The following RARB variants were observed in gnomAD, a reference collection of about 807,000 sequenced individuals.
The protein encoded by RARB is HBV-activated protein.
A neutral mutation model predicts 51.9 loss-of-function variants in RARB; 17 were observed. The observed-to-expected ratio is 0.33, with a 90% CI of 0.22 to 0.49. RARB has a LOEUF of 0.49. Ranked by LOEUF, RARB falls within the 20% of genes least tolerant of loss-of-function variation. The pLI, the probability that RARB is intolerant of heterozygous loss-of-function variation, is 0.99. For missense variants in RARB, 369 were observed against 550.8 expected (o/e 0.67, Z 3.30); for synonymous variants, 215 against 195.4 (o/e 1.10, Z -0.84).
intron 5 of RARB, among the ~76,000 whole-genome samples, chr3:25,208,273 C>G (rs1701605994): frequency 6.6e-6 from 1 of 152,070 alleles, no homozygotes. Flanking sequence ...GCTAAGGATC[C>G]AAGGATTTCA....
At chr3:24,899,631 G>A (rs2125370481) in intron 2 of RARB, among the ~76,000 whole-genome samples, 1 of 152,168 alleles carries the variant, frequency 6.6e-6, no homozygotes, top group East Asian at 1.9e-4. Context: ...AATAAGCTGG[G>A]TAGTGTTCTC....
At chr3:25,225,174 A>T (rs1702029317) in intron 5 of RARB, among the ~76,000 whole-genome samples, 1 of 152,180 alleles carries the variant, frequency 6.6e-6, no homozygotes, top group African/African-American at 2.4e-5. Context: ...TAAGATGCTT[A>T]CTACATGTTT....
intron 3 of RARB, among the ~76,000 whole-genome samples, chr3:25,130,754 C>T (rs1438176704): frequency 6.6e-6 from 1 of 151,896 alleles, no homozygotes; most frequent in African/African-American, 2.4e-5. Flanking sequence ...CTGTCTCACT[C>T]ATCTTGCTAT....
chr3:24,956,421 C>T (rs1427761985), intron 2 of RARB, among the ~76,000 whole-genome samples: 3 of 152,108 alleles, frequency 2.0e-5, no homozygotes, highest in Middle Eastern at 3.2e-3. Context: ...TCTTTGTAAC[C>T]ACCCTCATAT....
intron 2 of RARB, among the ~76,000 whole-genome samples, chr3:24,998,751 T>A (rs1209200456): frequency 1.3e-5 from 2 of 152,178 alleles, no homozygotes; most frequent in Non-Finnish European, 2.9e-5. Flanking sequence ...TTACATGTCT[T>A]CTTAAACTTC....
intron 5 of RARB, among the ~76,000 whole-genome samples, chr3:25,296,401 C>T (rs992873407): frequency 6.6e-6 from 1 of 152,120 alleles, no homozygotes; most frequent in Non-Finnish European, 1.5e-5. Context: ...TTCACTATTT[C>T]CTAGCTTTCT....
At chr3:24,946,311 G>T (rs1339510020) in intron 2 of RARB, among the ~76,000 whole-genome samples, 1 of 128,770 alleles carries the variant, frequency 7.8e-6, no homozygotes, top group Non-Finnish European at 1.8e-5. Flanking sequence ...ATAGTTGATG[G>T]ACAAATACAG....
At chr3:25,095,155 C>A (rs1156304139) in intron 3 of RARB, among the ~76,000 whole-genome samples, 2 of 152,144 alleles carry the variant, frequency 1.3e-5, no homozygotes, top group Non-Finnish European at 2.9e-5. Context: ...ACCAGGAGAG[C>A]TTTAAAAATT....
chr3:25,378,768 C>T (rs557204575), intron 5 of RARB, among the ~76,000 whole-genome samples: 1 of 152,258 alleles, frequency 6.6e-6, no homozygotes, highest in South Asian at 2.1e-4. Flanking sequence ...TAATAGGTAA[C>T]TTCAAGGTCT....
chr3:25,420,730 T>G (rs1428105120), intron 5 of RARB, among the ~76,000 whole-genome samples: 1 of 151,962 alleles, frequency 6.6e-6, no homozygotes, highest in African/African-American at 2.4e-5. Context: ...GATGGGTGGA[T>G]AGGTAGATGG....
Position 25,107,700 on chromosome 3 carries a change from G to A in RARB, c.-327-24461G>A, listed in dbSNP as rs184331609. On this transcript the variant is annotated intron_variant, in intron 3 of 11. Coordinates refer to the RARB transcript ENST00000383772. ...AATGAGGTGAAGTAAGAGATTAACA[G>A]CAATAATAATAAAATAGGAAAATGG... 1.9e-3 allele frequency among the ~76,000 whole-genome samples: 293 copies of A among 152,130 alleles called. 2 individuals carry two copies. Among genetic ancestry groups the A allele is most frequent in the African/African-American group, 6.8e-3 (282 of 41,488 alleles).
In RARB at chr3:24,946,243, G is replaced by A. The variant is rs375333707; in HGVS notation, c.-380+87491G>A. Among the ~76,000 whole-genome samples the A allele has an allele frequency of 7.8e-4, 97 of 124,072 alleles. 1 individual carries two copies. The highest frequency in any genetic ancestry group is 9.3e-3 in the Middle Eastern group (2 of 214). The allele number at this position is 124,072 out of a possible 152,430, so 81.4% of individuals were successfully genotyped here. On this transcript the variant is annotated intron_variant, in intron 2 of 11. Transcript: ENST00000383772. ...CACACCACTGCACTCCAGCCTGGGG[G>A]ACAAAATGAGACTCCATCTCAAAAA...
At chr3:25,234,915 A>T (rs1322395225) in intron 5 of RARB, among the ~76,000 whole-genome samples, 1 of 152,106 alleles carries the variant, frequency 6.6e-6, no homozygotes. Context: ...TGTCACCACC[A>T]CATCAACACG....
chr3:25,397,887 G>A (rs200078221), intron 5 of RARB, among the ~76,000 whole-genome samples: 32 of 148,968 alleles, frequency 2.1e-4, no homozygotes, highest in Non-Finnish European at 2.4e-4. Context: ...GTTTTGATTA[G>A]AAAAAAAAAA....
At chr3:25,342,794 C>T (rs140556629) in intron 5 of RARB, among the ~76,000 whole-genome samples, 1,596 of 152,076 alleles carry the variant, frequency 0.01, 12 homozygotes, top group Middle Eastern at 0.031. Flanking sequence ...GAAACAGAGA[C>T]GGTAGGTAGC....
At chr3:25,317,100 A>G in intron 5 of RARB, among the ~76,000 whole-genome samples, 1 of 152,138 alleles carries the variant, frequency 6.6e-6, no homozygotes, top group East Asian at 2.0e-4. Context: ...AGAATACAAC[A>G]TTTTTGCATA....
intron 5 of RARB, among the ~76,000 whole-genome samples, chr3:25,592,218 G>T (rs1267418761): frequency 5.9e-5 from 9 of 152,206 alleles, no homozygotes; most frequent in Non-Finnish European, 4.4e-5. Flanking sequence ...AATAATGCAG[G>T]CCTTTCTGAT....
intron 3 of RARB, among the ~76,000 whole-genome samples, chr3:25,560,090 G>A (rs1254031189): frequency 6.6e-6 from 1 of 152,146 alleles, no homozygotes; most frequent in African/African-American, 2.4e-5. Flanking sequence ...TACATAGACT[G>A]CCAATTTTCT....
chr3:25,140,695 T>C (rs1700094520), intron 4 of RARB, among the ~76,000 whole-genome samples: 1 of 152,190 alleles, frequency 6.6e-6, no homozygotes, highest in South Asian at 2.1e-4. Context: ...GAAATTCTCC[T>C]GTGGGTAAAA....
Sources: allele counts gnomAD v4.1 joint callset (sites outside exome capture counted in the v4.1 genomes callset), GRCh38; gene constraint gnomAD v4.1.1; transcripts MANE v1.5; gene names NCBI Gene and HGNC (gene_info 2026-07-23, HGNC 2026-07-21).